Variants in DNAH6 observed in about 807,000 individuals in gnomAD.
The protein encoded by DNAH6 is dynein axonemal heavy chain 6, also known as axonemal beta dynein heavy chain 6.
DNAH6 carries 340 observed loss-of-function variants against 491.4 expected under a neutral mutation model. The ratio of observed to expected loss-of-function variants is 0.69; its 90% CI spans 0.63 to 0.76. The LOEUF is 0.76. Ranked by LOEUF, DNAH6 falls within the 30% of genes least tolerant of loss-of-function variation. The pLI, the probability that DNAH6 is intolerant of heterozygous loss-of-function variation, is 0.00. For synonymous variants in DNAH6, 1,603 were observed against 1,686.1 expected (o/e 0.95, Z 1.21); for missense variants, 4,443 against 4,972.2 (o/e 0.89, Z 3.20).
At position 84,669,521 on chromosome 2, in the gene DNAH6, T is replaced by TA. The variant is rs1399086582; in HGVS notation, c.6306+12dup. The TA allele has an allele frequency of 1.9e-6, 3 of 1,549,056 alleles. No individual in the cohort carries two copies. The highest frequency in any genetic ancestry group is 4.9e-5 in the East Asian group (2 of 40,910). ...ACTGGAGTGGGCAAGGTAGGAAACT[T>TA]ACATCAAACAAGAAGTCCTCTCCAA... On this transcript the variant is annotated intron_variant, in intron 38 of 76. Transcript: ENST00000389394.
intron 62 of DNAH6, among the ~76,000 whole-genome samples, chr2:84,739,183 G>A (rs1337811415): frequency 6.6e-6 from 1 of 152,134 alleles, no homozygotes; most frequent in African/African-American, 2.4e-5. Context: ...TGACTTGTAA[G>A]GTTTGTGCTG....
In DNAH6 at chr2:84,529,185, T is replaced by G; in HGVS notation, c.662+19T>G. ...ATCTAAAGTGAGTTATTTTTTATGA[T>G]GCAATTTAACATAAAAATTACAAAT... On this transcript the variant is annotated intron_variant, in intron 4 of 76. Transcript: ENST00000389394. 6.7e-7 allele frequency: 1 copy of G among 1,495,404 alleles called. No individual in the cohort carries two copies. The allele number at this position is 1,495,404 out of a possible 1,614,324, so 92.6% of individuals were successfully genotyped here.
chr2:84,549,048 T>C (rs1297855742), intron 8 of DNAH6, among the ~76,000 whole-genome samples: 1 of 152,120 alleles, frequency 6.6e-6, no homozygotes, highest in East Asian at 1.9e-4. Flanking sequence ...GAGAGAAATA[T>C]CCCTCCTAGG....
At chr2:84,515,514 G>T (rs1558651032), upstream of DNAH6, among the ~76,000 whole-genome samples, 1 of 152,160 alleles carries the variant, frequency 6.6e-6, no homozygotes, top group Non-Finnish European at 1.5e-5. Flanking sequence ...AACTGAATAT[G>T]TTAAGATTGA....
At chr2:84,626,895 C>T (rs1265447068) in intron 29 of DNAH6, among the ~76,000 whole-genome samples, 1 of 152,180 alleles carries the variant, frequency 6.6e-6, no homozygotes, top group Non-Finnish European at 1.5e-5. Context: ...CGTGAGCCAC[C>T]GCGCCCGGCC....
intron 51 of DNAH6, 105 bp from the exon 52 acceptor site, chr2:84,705,381 T>G: frequency 9.0e-7 from 1 of 1,109,092 alleles, no homozygotes; most frequent in Non-Finnish European, 1.2e-6. Flanking sequence ...AGATTAAAAT[T>G]ATCCACTTAT....
chr2:84,587,843 C>G (rs568375134), intron 15 of DNAH6, among the ~76,000 whole-genome samples: 66 of 152,312 alleles, frequency 4.3e-4, no homozygotes, highest in African/African-American at 1.4e-3. Context: ...CTTCATGCTA[C>G]CTTTTGGGCC....
At chr2:84,563,521 G>A (rs1351631428) in intron 11 of DNAH6, among the ~76,000 whole-genome samples, 2 of 151,862 alleles carry the variant, frequency 1.3e-5, no homozygotes, top group Non-Finnish European at 2.9e-5. Context: ...TATGTTTGCT[G>A]GCTGCTTGTA....
At chr2:84,718,016 G>A (rs1263785306) in intron 58 of DNAH6, among the ~76,000 whole-genome samples, 188 bp from the exon 59 acceptor site, 1 of 152,206 alleles carries the variant, frequency 6.6e-6, no homozygotes, top group African/African-American at 2.4e-5. Flanking sequence ...TTGACATGTA[G>A]TTGAGTCAGA....
At chr2:84,768,244 G>A (rs1190652273) in intron 64 of DNAH6, among the ~76,000 whole-genome samples, 2 of 151,908 alleles carry the variant, frequency 1.3e-5, no homozygotes, top group East Asian at 3.9e-4. Flanking sequence ...AAAAATAAGA[G>A]CAAGAATTAA....
chr2:84,497,867 G>A, the DNAH6 span, among the ~76,000 whole-genome samples: 1 of 152,154 alleles, frequency 6.6e-6, no homozygotes, highest in Admixed American at 6.5e-5. Context: ...CATTAGAATT[G>A]CAGCCACAGA....
chr2:84,538,259 T>C (rs548064660), intron 4 of DNAH6, among the ~76,000 whole-genome samples: 1 of 152,262 alleles, frequency 6.6e-6, no homozygotes, highest in East Asian at 1.9e-4. Context: ...TCTTCTTTCT[T>C]CCTCATAAAC....
At chr2:84,682,655 C>A (rs1455138476) in intron 42 of DNAH6, among the ~76,000 whole-genome samples, 1 of 152,216 alleles carries the variant, frequency 6.6e-6, no homozygotes, top group Non-Finnish European at 1.5e-5. Context: ...CCAGAGGAGA[C>A]TACCATTAGT....
intron 62 of DNAH6, 109 bp downstream of exon 62, chr2:84,733,688 A>T: frequency 9.9e-7 from 1 of 1,006,456 alleles, no homozygotes; most frequent in Non-Finnish European, 1.4e-6. Flanking sequence ...TTCACTAGGA[A>T]CTTCCTTCAT....
Position 84,641,987 on chromosome 2 carries a change from G to T in DNAH6, c.5011G>T (p.Val1671Leu), listed in dbSNP as rs1490816714. 6.4e-7 allele frequency: 1 copy of T among 1,550,954 alleles called. No individual in the cohort carries two copies. Among genetic ancestry groups the T allele is most frequent in the Admixed American group, 2.0e-5 (1 of 50,964 alleles). ...AAACCCAGACCTAAATGAAGATGTG[G>T]TGTTGATAAGAGCTTTACAAGACTC... ...RENPDLNEDV[V>L]LIRALQDSNL... Residue 1671 changes from valine (V) to leucine (L), a missense_variant, in exon 33 of 77, where the codon GTG becomes TTG. By Grantham distance (32) the Val-to-Leu change is conservative. This residue lies in a region of DNAH6 where 2,977 missense variants were observed against 3,296.6 expected (regional missense o/e 0.90). Transcript: ENST00000389394.
chr2:84,706,758 A>T, intron 52 of DNAH6, 138 bp from the exon 53 acceptor site: 1 of 935,426 alleles, frequency 1.1e-6, no homozygotes, highest in Non-Finnish European at 1.5e-6. Context: ...TATTTGTTTT[A>T]ACTTTATGTA....
intron 63 of DNAH6, among the ~76,000 whole-genome samples, chr2:84,756,614 A>G (rs1191521397): frequency 6.6e-6 from 1 of 152,244 alleles, no homozygotes; most frequent in Non-Finnish European, 1.5e-5. Context: ...AAGGATGAGC[A>G]GGGAATCCTT....
chr2:84,643,572 C>G (rs536076162), intron 33 of DNAH6, among the ~76,000 whole-genome samples: 7 of 152,080 alleles, frequency 4.6e-5, no homozygotes, highest in African/African-American at 1.7e-4. Flanking sequence ...TCTTTATTCT[C>G]TTTACTTTTC....
rs1474265981 is a variant in DNAH6, at chr2:84,605,586, C to T, written c.3168C>T (p.Asp1056=). 1.3e-6 allele frequency: 2 copies of T among 1,549,220 alleles called. No individual in the cohort carries two copies. Among genetic ancestry groups the T allele is most frequent in the East Asian group, 2.4e-5 (1 of 40,876 alleles). The part of the protein sequence containing the change: ...KDVFILGGTD[D]IQVLLDDSTI... ...TGTTTATACTGGGCGGCACAGATGACATACAGGTGGGTAACTGGGTTATTG... is the reference window on the plus strand; with the variant it reads ...TGTTTATACTGGGCGGCACAGATGATATACAGGTGGGTAACTGGGTTATTG... The change falls in exon 20 of 77, where the codon GAC becomes GAT. Residue 1056 remains aspartate, a synonymous_variant. Coordinates refer to ENST00000389394, the MANE Select transcript of DNAH6 (RefSeq NM_001370.2).
Sources: gnomAD v4.1 joint callset for allele counts (sites outside exome capture counted in the v4.1 genomes callset) on GRCh38, gnomAD v4.1.1 for gene constraint, gnomAD v4.1.1 regional missense constraint, MANE v1.5 for transcripts, NCBI Gene and HGNC (gene_info 2026-07-23, HGNC 2026-07-21) for gene names.